RGPD8: variants seen among roughly 807,000 people sequenced by gnomAD.
RGPD8 encodes RANBP2-like and GRIP domain-containing protein 8.
In RGPD8, 15 loss-of-function variants were observed where a neutral mutation model predicts 89.1. The ratio of observed to expected loss-of-function variants is 0.17; its 90% confidence interval spans 0.11 to 0.26. RGPD8 has a LOEUF of 0.26. Ranked by LOEUF, RGPD8 falls within the 10% of genes least tolerant of loss-of-function variation. The pLI, the probability that RGPD8 is intolerant of heterozygous loss-of-function variation, is 1.00. For missense variants in RGPD8, 178 were observed against 1,179.6 expected (o/e 0.15, Z 12.44); for synonymous variants, 62 against 420.9 (o/e 0.15, Z 10.44).
rs1679742499 is a variant in RGPD8, at chr2:112,425,751, C to T, written c.73-1444G>A. Among the ~76,000 whole-genome samples, 4 of 122,716 alleles carry T rather than the reference C, an allele frequency of 3.3e-5. No homozygotes were observed. In the Admixed American group the frequency reaches 3.5e-4, roughly 11 times the overall value. The allele number at this position is 122,716 out of a possible 152,430, so 80.5% of individuals were successfully genotyped here. A position where few individuals can be genotyped will look rare whatever the true frequency, so the allele number is the denominator to read the frequency against. Reference sequence around the variant, plus strand: ...TCCAACCTGGGCAACAGAATGATTCCATCTCAAAAAAAAAAAAAAAAAAAT... The same window carrying T: ...TCCAACCTGGGCAACAGAATGATTCTATCTCAAAAAAAAAAAAAAAAAAAT... On this transcript the variant is annotated intron_variant, in intron 1 of 22. Transcript: ENST00000302558.
intron 1 of RGPD8, among the ~76,000 whole-genome samples, chr2:112,429,433 A>AAAAAAG (rs1679926576): frequency 2.0e-5 from 3 of 148,962 alleles, no homozygotes; most frequent in East Asian, 1.9e-4. Context: ...AAAAAAAAAA[A>AAAAAAG]AAAAGAAAAG....
At chr2:112,413,147 G>T (rs1283039457) in intron 6 of RGPD8, among the ~76,000 whole-genome samples, 12 of 145,112 alleles carry the variant, frequency 8.3e-5, no homozygotes, top group Non-Finnish European at 1.8e-4. Context: ...TTGAGACGGA[G>T]TCTCTCACTA....
chr2:112,430,644 C>CTT (rs60900008), intron 1 of RGPD8, among the ~76,000 whole-genome samples: 2 of 130,690 alleles, frequency 1.5e-5, no homozygotes. Flanking sequence ...TCTAAGGTTG[C>CTT]TTTTTTTTTT....
At chr2:112,390,523 G>A (rs1217747189) in intron 19 of RGPD8, among the ~76,000 whole-genome samples, 1 of 144,602 alleles carries the variant, frequency 6.9e-6, no homozygotes, top group Non-Finnish European at 1.5e-5. Context: ...TGCACTGAGA[G>A]GTTAAGAAAC....
At position 112,432,694 on chromosome 2, in the gene RGPD8, A is replaced by G; in HGVS notation, c.72+688T>C. 3 of 985,302 alleles carry G rather than the reference A, an allele frequency of 3.0e-6. No individual in the cohort carries two copies. In the African/African-American group the frequency reaches 5.2e-5, roughly 17 times the overall value. The allele number at this position is 985,302 out of a possible 1,614,324, so 61.0% of individuals were successfully genotyped here. The stretch of plus-strand genomic sequence containing the variant: ...GCACCCGGGTGCCCAAGCCCCCGAG[A>G]ACTAGGCCGCGCGGGTACTACGGGG... On this transcript the variant is annotated intron_variant, in intron 1 of 22. Transcript: ENST00000302558.
intron 1 of RGPD8, chr2:112,432,713 T>C (rs1680098536): frequency 2.0e-6 from 2 of 984,782 alleles, no homozygotes; most frequent in African/African-American, 3.5e-5. Context: ...GCGCGGGTAC[T>C]ACGGGGCCAG....
At chr2:112,370,844 C>A (rs2104756042) in intron 22 of RGPD8, among the ~76,000 whole-genome samples, 1 of 151,590 alleles carries the variant, frequency 6.6e-6, no homozygotes, top group East Asian at 1.9e-4. Context: ...AGCAATCCAG[C>A]TATGAAAATT....
intron 1 of RGPD8, among the ~76,000 whole-genome samples, chr2:112,431,959 C>T (rs1680061825): frequency 6.6e-6 from 1 of 152,154 alleles, no homozygotes; most frequent in Admixed American, 6.5e-5. Context: ...TTAACATCAA[C>T]AATAAAAAGT....
Position 112,387,342 on chromosome 2 carries a change from GT to G in RGPD8, c.4921+681del, listed in dbSNP as rs975182268. Among the ~76,000 whole-genome samples the G allele has an allele frequency of 7.1e-5, 8 of 112,974 alleles. 1 individual carries two copies. Among genetic ancestry groups the G allele is most frequent in the Non-Finnish European group, 9.6e-5 (5 of 52,312 alleles). 74.1% of individuals were successfully genotyped at this position (112,974 alleles called of 152,430 possible). A position where few individuals can be genotyped will look rare whatever the true frequency, so the allele number is the denominator to read the frequency against. On this transcript the variant is annotated intron_variant, in intron 20 of 22. Transcript: ENST00000302558. Reference sequence around the variant, plus strand: ...TAAAATGAGAACATCTCAATATCATGTTTTTTTTTGTTTTTTGTTTTTTGTT... The same window carrying G: ...TAAAATGAGAACATCTCAATATCATGTTTTTTTTGTTTTTTGTTTTTTGTT...
chr2:112,431,329 T>G (rs543251479), intron 1 of RGPD8, among the ~76,000 whole-genome samples: 2 of 152,318 alleles, frequency 1.3e-5, no homozygotes, highest in South Asian at 4.1e-4. Flanking sequence ...TAAGGTCTGT[T>G]TTAGACTCTT....
chr2:112,379,432 TA>T (rs1678202910), intron 21 of RGPD8, among the ~76,000 whole-genome samples: 1 of 148,106 alleles, frequency 6.8e-6, no homozygotes, highest in Admixed American at 6.7e-5. Flanking sequence ...GTGTCTCTAG[TA>T]AAATAAAAAA....
At chr2:112,423,701 C>T (rs1679635299) in intron 2 of RGPD8, among the ~76,000 whole-genome samples, 1 of 146,776 alleles carries the variant, frequency 6.8e-6, no homozygotes, top group Non-Finnish European at 1.5e-5. Context: ...GAGACAGATA[C>T]TGCCTAAAAA....
intron 1 of RGPD8, among the ~76,000 whole-genome samples, chr2:112,431,621 T>C (rs1680039375): frequency 6.6e-6 from 1 of 151,514 alleles, no homozygotes; most frequent in Non-Finnish European, 1.5e-5. Context: ...ATTATAATCA[T>C]GGTCATCCGT....
At chr2:112,373,474 C>A (rs1678022770) in intron 22 of RGPD8, among the ~76,000 whole-genome samples, 1 of 152,288 alleles carries the variant, frequency 6.6e-6, no homozygotes, top group South Asian at 2.1e-4. Context: ...ACACCCAAAC[C>A]CACAGAAAGG....
At chr2:112,422,471 T>A in intron 3 of RGPD8, 77 bp downstream of exon 3, 1 of 1,563,684 alleles carries the variant, frequency 6.4e-7, no homozygotes, top group Non-Finnish European at 8.7e-7. Flanking sequence ...TAAAATATAT[T>A]TGACTTACTT....
intron 1 of RGPD8, among the ~76,000 whole-genome samples, chr2:112,425,821 A>G (rs1679747595): frequency 6.6e-6 from 1 of 151,998 alleles, no homozygotes; most frequent in African/African-American, 2.4e-5. Context: ...TAGAGTATAC[A>G]GCTACTCAAA....
chr2:112,387,366 GT>G lies in RGPD8; in HGVS notation c.4921+657del, dbSNP rs542229657. Among the ~76,000 whole-genome samples, 30 of 131,446 alleles carry G rather than the reference GT, an allele frequency of 2.3e-4. 2 individuals are homozygous for G. The highest frequency in any genetic ancestry group is 5.2e-4 in the South Asian group (2 of 3,874). The allele number at this position is 131,446 out of a possible 152,430, so 86.2% of individuals were successfully genotyped here. ...TGTTTTTTTTTGTTTTTTGTTTTTT[GT>G]TTTTTTTGGAGACAAAGTCTCACTC... On this transcript the variant is annotated intron_variant, in intron 20 of 22. Coordinates refer to ENST00000302558, the MANE Select transcript of RGPD8 (RefSeq NM_001164463.1).
At chr2:112,402,574 G>A (rs1256858788) in intron 9 of RGPD8, among the ~76,000 whole-genome samples, 13 of 143,134 alleles carry the variant, frequency 9.1e-5, no homozygotes, top group Non-Finnish European at 1.8e-4. Flanking sequence ...TAATCTTTCT[G>A]TCATTTTGGC....
At chr2:112,415,370 C>G (rs1288314024) in intron 6 of RGPD8, among the ~76,000 whole-genome samples, 2 of 151,822 alleles carry the variant, frequency 1.3e-5, no homozygotes, top group Admixed American at 6.5e-5. Flanking sequence ...ATCTGACAAA[C>G]CATCTGTCAC....
Sources: gnomAD v4.1 joint callset for allele counts (sites outside exome capture counted in the v4.1 genomes callset) on GRCh38, gnomAD v4.1.1 for gene constraint, MANE v1.5 for transcripts, NCBI Gene and HGNC (gene_info 2026-07-23, HGNC 2026-07-21) for gene names.